KCND2: variants seen among roughly 807,000 people sequenced by gnomAD.
KCND2 encodes potassium voltage-gated channel subfamily D member 2, also known as A-type voltage-gated potassium channel KCND2.
KCND2 carries 16 observed loss-of-function variants against 54.4 expected under a neutral mutation model. The ratio of observed to expected loss-of-function variants is 0.29; its 90% CI spans 0.20 to 0.45. The LOEUF is 0.45. Among genes scored for constraint, KCND2 ranks in the 20% least tolerant of loss-of-function variants. The pLI is 1.00. For synonymous variants in KCND2, 317 were observed against 310.7 expected (o/e 1.02, Z -0.21); for missense variants, 486 against 824.2 (o/e 0.59, Z 5.02).
intron 1 of KCND2, among the ~76,000 whole-genome samples, chr7:120,391,602 C>G (rs914536342): frequency 6.6e-6 from 1 of 151,946 alleles, no homozygotes; most frequent in African/African-American, 2.4e-5. Context: ...TTTGAATGAT[C>G]ACCATTCTAA....
chr7:120,293,198 G>A lies in KCND2; in HGVS notation c.1115+17451G>A, dbSNP rs74362205. On this transcript the variant is annotated intron_variant, in intron 1 of 5. Coordinates refer to ENST00000331113, the MANE Select transcript of KCND2 (RefSeq NM_012281.3). ...TGTTTGTGTGCTACCTAGCTACATG[G>A]CTCAAATGTCTCCATTAGTCTGTTT... 4.6e-5 allele frequency among the ~76,000 whole-genome samples: 7 copies of A among 151,878 alleles called. No homozygotes were observed. In the East Asian group the frequency reaches 1.4e-3, roughly 29 times the overall value.
At chr7:120,350,285 A>C (rs1021962736) in intron 1 of KCND2, among the ~76,000 whole-genome samples, 2 of 152,124 alleles carry the variant, frequency 1.3e-5, no homozygotes, top group African/African-American at 4.8e-5. Context: ...CAGTGTTAAG[A>C]TTGCAAATTT....
intron 1 of KCND2, among the ~76,000 whole-genome samples, chr7:120,635,880 C>T (rs919260713): frequency 1.3e-5 from 2 of 152,136 alleles, no homozygotes; most frequent in African/African-American, 4.8e-5. Context: ...AAGAACAATT[C>T]TTAAATGATT....
chr7:120,294,794 A>G (rs1799484852), intron 1 of KCND2, among the ~76,000 whole-genome samples: 1 of 151,878 alleles, frequency 6.6e-6, no homozygotes. Context: ...TGTTTCATCT[A>G]TCTATATAAA....
chr7:120,671,383 C>T (rs533238207), intron 1 of KCND2, among the ~76,000 whole-genome samples: 5 of 152,004 alleles, frequency 3.3e-5, no homozygotes, highest in Non-Finnish European at 7.4e-5. Context: ...AATGCTCATA[C>T]GCCCGCTGCT....
At chr7:120,495,347 T>A (rs1802834387) in intron 1 of KCND2, among the ~76,000 whole-genome samples, 2 of 151,954 alleles carry the variant, frequency 1.3e-5, no homozygotes, top group Non-Finnish European at 2.9e-5. Flanking sequence ...GACAACTTTT[T>A]TTTTTTACCC....
intron 1 of KCND2, among the ~76,000 whole-genome samples, chr7:120,383,644 G>A (rs903154566): frequency 2.0e-5 from 3 of 151,946 alleles, no homozygotes; most frequent in African/African-American, 2.4e-5. Flanking sequence ...TTTGATCCAC[G>A]TTCAATGTGT....
At chr7:120,672,850 T>C (rs972570407) in intron 1 of KCND2, 14 of 152,102 alleles carry the variant, frequency 9.2e-5, no homozygotes, top group Non-Finnish European at 1.6e-4. Flanking sequence ...GGTGTCCTTA[T>C]ACAAAGAGGA....
chr7:120,283,848 A>G (rs1266847145), intron 1 of KCND2, among the ~76,000 whole-genome samples: 3 of 152,130 alleles, frequency 2.0e-5, no homozygotes, highest in Non-Finnish European at 4.4e-5. Context: ...TAGTTATATA[A>G]GCCTGAAAGA....
Position 120,274,535 on chromosome 7 carries a change from A to C in KCND2, c.-98A>C, listed in dbSNP as rs1366125532. 10 of 1,350,622 alleles carry C rather than the reference A, an allele frequency of 7.4e-6. No homozygotes were observed. The highest frequency in any genetic ancestry group is 1.1e-5 in the Non-Finnish European group (10 of 941,700). The allele number at this position is 1,350,622 out of a possible 1,614,324, so 83.7% of individuals were successfully genotyped here. ...ACACCTCTGGACCACGTTTCTCACT[A>C]GTACTTTGCTTGACTGGAGGAAGTG... On this transcript the variant is annotated 5_prime_UTR_variant, in exon 1 of 6. Transcript: ENST00000331113.
chr7:120,510,260 T>C (rs758938148), intron 1 of KCND2, among the ~76,000 whole-genome samples: 12 of 152,128 alleles, frequency 7.9e-5, no homozygotes, highest in Non-Finnish European at 1.5e-4. Context: ...AGTTCATGTT[T>C]AACAAACTTC....
At chr7:120,349,416 C>T (rs1273509648) in intron 1 of KCND2, among the ~76,000 whole-genome samples, 5 of 151,988 alleles carry the variant, frequency 3.3e-5, no homozygotes, top group Non-Finnish European at 7.4e-5. Context: ...AATTAATGCA[C>T]CTGTCTTTGT....
intron 1 of KCND2, among the ~76,000 whole-genome samples, chr7:120,646,770 G>A (rs377185474): frequency 1.2e-4 from 19 of 152,318 alleles, no homozygotes; most frequent in African/African-American, 4.3e-4. Flanking sequence ...CAAAGATTCG[G>A]TACTGAATTG....
chr7:120,430,155 A>T lies in KCND2; in HGVS notation c.1115+154408A>T, dbSNP rs549876141. On this transcript the variant is annotated intron_variant, in intron 1 of 5. Transcript: ENST00000331113. ...CACAGTTCTGAAGGCTAGAGATTTG[A>T]GATCAAGGTGCTAGCATGCTTGGTT... Among the ~76,000 whole-genome samples the T allele has an allele frequency of 9.2e-5, 14 of 152,276 alleles. 1 individual carries two copies. The East Asian group carries it at 2.7e-3, about 29-fold the overall frequency.
chr7:120,384,051 A>G (rs1267748542), intron 1 of KCND2, among the ~76,000 whole-genome samples: 1 of 152,126 alleles, frequency 6.6e-6, no homozygotes, highest in African/African-American at 2.4e-5. Flanking sequence ...CCCTGATATA[A>G]TATGGTATGG....
intron 1 of KCND2, among the ~76,000 whole-genome samples, chr7:120,350,930 T>C (rs983405712): frequency 2.0e-5 from 3 of 152,148 alleles, no homozygotes; most frequent in African/African-American, 7.2e-5. Context: ...AAGAAAAATC[T>C]ATCTTAAACT....
chr7:120,346,435 C>T (rs1800317058), intron 1 of KCND2, among the ~76,000 whole-genome samples: 1 of 152,092 alleles, frequency 6.6e-6, no homozygotes, highest in South Asian at 2.1e-4. Flanking sequence ...TAATTATATT[C>T]ATTTCTATTT....
chr7:120,606,553 A>G (rs923012919), intron 1 of KCND2, among the ~76,000 whole-genome samples: 5 of 152,064 alleles, frequency 3.3e-5, no homozygotes, highest in African/African-American at 9.7e-5. Context: ...TAATTTTTAT[A>G]TATAGTACGC....
chr7:120,549,936 C>G (rs192775223), intron 1 of KCND2, among the ~76,000 whole-genome samples: 1 of 152,010 alleles, frequency 6.6e-6, no homozygotes, highest in East Asian at 1.9e-4. Context: ...ATAGTATTAA[C>G]AAAATGAAAT....
Sources: gnomAD v4.1 joint callset for allele counts (sites outside exome capture counted in the v4.1 genomes callset) on GRCh38, gnomAD v4.1.1 for gene constraint, MANE v1.5 for transcripts, NCBI Gene and HGNC (gene_info 2026-07-23, HGNC 2026-07-21) for gene names.